The following TTC29 variants were observed in gnomAD, a reference collection of about 807,000 sequenced individuals.
The protein encoded by TTC29 is tetratricopeptide repeat domain 29.
TTC29 carries 49 observed loss-of-function variants against 58.1 expected under a neutral mutation model. The observed-to-expected ratio is 0.84, with a 90% CI of 0.67 to 1.07. The LOEUF (loss-of-function observed/expected upper bound fraction) is 1.07, where lower values mean the gene tolerates loss of function less well. TTC29 is among the 50% of genes least tolerant of loss of function. The probability of loss-of-function intolerance (pLI) is 0.00; values close to 1 mark genes in which losing one functional copy is unlikely to be tolerated. For missense variants in TTC29, 582 were observed against 555.6 expected (o/e 1.05, Z -0.48); for synonymous variants, 209 against 196.8 (o/e 1.06, Z -0.52).
chr4:146,849,198 G>A (rs1396623061), intron 8 of TTC29, among the ~76,000 whole-genome samples: 2 of 152,046 alleles, frequency 1.3e-5, no homozygotes, highest in East Asian at 1.9e-4. Flanking sequence ...TATCCATAGT[G>A]CATTCAATCT....
chr4:146,937,313 G>A (rs1025075914), intron 4 of TTC29, among the ~76,000 whole-genome samples: 2 of 151,918 alleles, frequency 1.3e-5, no homozygotes, highest in African/African-American at 4.8e-5. Context: ...ACCTTAAAAT[G>A]AAGGTTAACA....
chr4:146,754,743 A>G (rs567065512), intron 11 of TTC29, among the ~76,000 whole-genome samples: 2 of 152,208 alleles, frequency 1.3e-5, no homozygotes, highest in Admixed American at 1.3e-4. Flanking sequence ...AAAACTGTCA[A>G]CTGTTTGTGT....
Position 146,737,595 on chromosome 4 carries a change from G to T in TTC29, c.1331-30044C>A, listed in dbSNP as rs759471788. The stretch of plus-strand genomic sequence containing the variant: ...GAGGCTGATGCTAGTAGCCCTGGGG[G>T]GGGGGGGGCTACAAACGGGTCTTGA... On this transcript the variant is annotated intron_variant, in intron 11 of 12. Coordinates refer to ENST00000325106, the MANE Select transcript of TTC29 (RefSeq NM_031956.4). 2.2e-4 allele frequency among the ~76,000 whole-genome samples: 33 copies of T among 147,190 alleles called. 1 individual carries two copies. Among genetic ancestry groups the T allele is most frequent in the Admixed American group, 1.1e-3 (17 of 14,988 alleles).
chr4:146,772,307 G>A (rs1747799900), intron 11 of TTC29, among the ~76,000 whole-genome samples: 1 of 152,048 alleles, frequency 6.6e-6, no homozygotes, highest in Admixed American at 6.6e-5. Context: ...TGGCATCTCT[G>A]TCATAAAATC....
chr4:146,850,004 T>C (rs1729419776), intron 8 of TTC29, among the ~76,000 whole-genome samples: 1 of 152,202 alleles, frequency 6.6e-6, no homozygotes, highest in Non-Finnish European at 1.5e-5. Flanking sequence ...CTTTTTCCCA[T>C]AGTGTTTCTC....
At chr4:146,911,397 C>G (rs1733889674) in intron 4 of TTC29, among the ~76,000 whole-genome samples, 1 of 152,154 alleles carries the variant, frequency 6.6e-6, no homozygotes, top group South Asian at 2.1e-4. Flanking sequence ...AATGAGCATA[C>G]TGGGGAGCTC....
At chr4:146,938,802 G>A (rs886080921) in intron 3 of TTC29, among the ~76,000 whole-genome samples, 10 of 152,248 alleles carry the variant, frequency 6.6e-5, no homozygotes, top group African/African-American at 2.4e-4. Flanking sequence ...TGCCTTGCAG[G>A]AATGGAAAAG....
At chr4:146,841,126 G>A (rs1728825688) in intron 8 of TTC29, among the ~76,000 whole-genome samples, 1 of 152,090 alleles carries the variant, frequency 6.6e-6, no homozygotes, top group Non-Finnish European at 1.5e-5. Flanking sequence ...GCACATAACA[G>A]TAGTCTTTTG....
intron 11 of TTC29, among the ~76,000 whole-genome samples, chr4:146,780,666 G>C (rs576731312): frequency 4.9e-4 from 75 of 151,716 alleles, no homozygotes; most frequent in African/African-American, 1.7e-3. Flanking sequence ...TTAAATTGCT[G>C]AAGAAATATA....
At chr4:146,930,932 T>C (rs1735292947) in intron 4 of TTC29, among the ~76,000 whole-genome samples, 1 of 152,248 alleles carries the variant, frequency 6.6e-6, no homozygotes, top group African/African-American at 2.4e-5. Flanking sequence ...CATTTTGCAC[T>C]GTGGTTTACG....
intron 4 of TTC29, among the ~76,000 whole-genome samples, chr4:146,918,543 T>C (rs187239873): frequency 6.6e-6 from 1 of 151,204 alleles, no homozygotes; most frequent in Non-Finnish European, 1.5e-5. Context: ...TTTTGTGAGA[T>C]CAACAAATGT....
intron 11 of TTC29, among the ~76,000 whole-genome samples, chr4:146,755,835 C>G (rs1438956794): frequency 6.6e-6 from 1 of 152,084 alleles, no homozygotes; most frequent in Non-Finnish European, 1.5e-5. Context: ...AAAACCAAGT[C>G]TACCCTATTC....
chr4:146,891,548 T>C (rs1425457935), intron 6 of TTC29, among the ~76,000 whole-genome samples: 1 of 152,172 alleles, frequency 6.6e-6, no homozygotes, highest in Non-Finnish European at 1.5e-5. Flanking sequence ...GTTGAAACCA[T>C]CACCATCATG....
chr4:146,762,721 A>G (rs1217101403), intron 11 of TTC29, among the ~76,000 whole-genome samples: 1 of 151,984 alleles, frequency 6.6e-6, no homozygotes, highest in African/African-American at 2.4e-5. Context: ...CCTCAGACTC[A>G]TAGTTTGCCT....
At chr4:146,831,584 G>A (rs998356794) in intron 9 of TTC29, 10 of 323,058 alleles carry the variant, frequency 3.1e-5, no homozygotes, top group South Asian at 1.3e-4. Context: ...GCTGTATCCC[G>A]TCCCACTCCC....
At chr4:146,729,064 C>T (rs1260221854) in intron 11 of TTC29, among the ~76,000 whole-genome samples, 1 of 151,506 alleles carries the variant, frequency 6.6e-6, no homozygotes, top group Non-Finnish European at 1.5e-5. Flanking sequence ...GTTGGTACAT[C>T]TATTGTATAA....
At chr4:146,747,903 G>A (rs1241885561) in intron 11 of TTC29, among the ~76,000 whole-genome samples, 1 of 152,206 alleles carries the variant, frequency 6.6e-6, no homozygotes, top group African/African-American at 2.4e-5. Context: ...CCCATAGTCT[G>A]AGCTGCTGAG....
chr4:146,895,454 T>G (rs1170682217), intron 6 of TTC29, among the ~76,000 whole-genome samples: 2 of 152,180 alleles, frequency 1.3e-5, no homozygotes, highest in African/African-American at 4.8e-5. Context: ...TCCTCTCTCC[T>G]TCATTCTTCA....
intron 11 of TTC29, among the ~76,000 whole-genome samples, chr4:146,742,900 T>C (rs1745269028): frequency 6.6e-6 from 1 of 152,104 alleles, no homozygotes; most frequent in Non-Finnish European, 1.5e-5. Flanking sequence ...ATAATCTGCT[T>C]TTCAGAAGAG....
Sources: allele counts gnomAD v4.1 joint callset (sites outside exome capture counted in the v4.1 genomes callset), GRCh38; gene constraint gnomAD v4.1.1; transcripts MANE v1.5; gene names NCBI Gene and HGNC (gene_info 2026-07-23, HGNC 2026-07-21).